The following TEX14 variants were observed in gnomAD, a reference collection of about 807,000 sequenced individuals.
TEX14 encodes testis expressed 14, intercellular bridge forming factor, also known as inactive serine/threonine-protein kinase TEX14.
Under a neutral mutation model 178.6 loss-of-function variants are expected in TEX14, and 168 were observed. The ratio of observed to expected loss-of-function variants is 0.94; its 90% CI spans 0.83 to 1.07. The LOEUF (loss-of-function observed/expected upper bound fraction) is 1.07. Ranked by LOEUF, TEX14 falls within the 50% of genes least tolerant of loss-of-function variation. The pLI, the probability that TEX14 is intolerant of heterozygous loss-of-function variation, is 0.00. For synonymous variants in TEX14, 626 were observed against 634.1 expected (o/e 0.99, Z 0.19); for missense variants, 1,730 against 1,753.6 (o/e 0.99, Z 0.24).
At chr17:58,678,879 C>T (rs2047440274) in intron 1 of TEX14, among the ~76,000 whole-genome samples, 2 of 148,402 alleles carry the variant, frequency 1.3e-5, no homozygotes, top group East Asian at 2.0e-4. Context: ...TGGAGCCAGG[C>T]GCCGTGGCTC....
intron 4 of TEX14, among the ~76,000 whole-genome samples, chr17:58,622,525 A>AAT (rs1760805636): frequency 6.6e-6 from 1 of 152,190 alleles, no homozygotes; most frequent in Non-Finnish European, 1.5e-5. Context: ...TAAGGACATT[A>AAT]ATAGTACTTA....
chr17:58,584,811 G>A (rs867420800), intron 18 of TEX14, among the ~76,000 whole-genome samples: 2 of 152,192 alleles, frequency 1.3e-5, no homozygotes, highest in Non-Finnish European at 2.9e-5. Flanking sequence ...CCATTCGAGA[G>A]TGATGCTTGA....
intron 1 of TEX14, among the ~76,000 whole-genome samples, chr17:58,666,350 A>G (rs985610628): frequency 6.6e-6 from 1 of 151,878 alleles, no homozygotes; most frequent in African/African-American, 2.4e-5. Context: ...TGTGTCCCAA[A>G]AAAATAAATA....
intron 26 of TEX14, chr17:58,568,054 C>T (rs2144350457): frequency 6.6e-6 from 1 of 152,342 alleles, no homozygotes. Flanking sequence ...GTGGGGTGAC[C>T]TCCACTCTCA....
chr17:58,631,893 GGTGA>G (rs1261867709), intron 2 of TEX14: 21 of 152,292 alleles, frequency 1.4e-4, no homozygotes, highest in Non-Finnish European at 2.2e-4. Context: ...TTATGCTGAT[GGTGA>G]GTATTTCGTG....
At chr17:58,594,738 C>A (rs117259992) in intron 14 of TEX14, among the ~76,000 whole-genome samples, 1,988 of 152,138 alleles carry the variant, frequency 0.013, 23 homozygotes, top group Non-Finnish European at 0.022. Context: ...ACTGGGGATG[C>A]TATGAAAATA....
intron 9 of TEX14, among the ~76,000 whole-genome samples, chr17:58,612,898 C>T (rs2045781330): frequency 6.6e-6 from 1 of 151,288 alleles, no homozygotes; most frequent in African/African-American, 2.4e-5. Flanking sequence ...GAGCAAGACC[C>T]TGTCTCAAAA....
intron 26 of TEX14, 51 bp from the exon 27 acceptor site, chr17:58,565,875 T>C (rs1237423978): frequency 6.9e-7 from 1 of 1,441,556 alleles, no homozygotes; most frequent in Admixed American, 1.9e-5. Flanking sequence ...TTGCGTGTCC[T>C]GCCGTTCTCT....
At chr17:58,621,881 G>GC in intron 4 of TEX14, 95 bp from the exon 5 acceptor site, 2 of 1,375,364 alleles carry the variant, frequency 1.5e-6, no homozygotes, top group Non-Finnish European at 9.7e-7. Flanking sequence ...GGAGCTGAGA[G>GC]CCCCCAACAG....
chr17:58,631,124 A>C, intron 2 of TEX14: 1 of 981,086 alleles, frequency 1.0e-6, no homozygotes, highest in Non-Finnish European at 1.2e-6. Flanking sequence ...AAAAAAATTT[A>C]GTCCTCCAGA....
chr17:58,593,710 CT>C (rs762118015), intron 14 of TEX14, 49 bp from the exon 15 acceptor site: 4 of 1,401,706 alleles, frequency 2.9e-6, no homozygotes, highest in Non-Finnish European at 4.1e-6. Flanking sequence ...AGAATTCCCA[CT>C]CTCTTCACTG....
Position 58,634,554 on chromosome 17 carries a change from C to G in TEX14, c.137-4000G>C, listed in dbSNP as rs1268239295. Among the ~76,000 whole-genome samples, 3 of 152,222 alleles carry G rather than the reference C, an allele frequency of 2.0e-5. No homozygotes were observed. The East Asian group carries it at 5.8e-4, about 29-fold the overall frequency. On this transcript the variant is annotated intron_variant, in intron 2 of 31. Coordinates refer to ENST00000349033, the MANE Select transcript of TEX14 (RefSeq NM_031272.5). Reference sequence around the variant, plus strand: ...GTCTATGTCCTCTACCAGACTGTCTCTCCTACACTAGAAGGTAGGAACTGC... The same window carrying G: ...GTCTATGTCCTCTACCAGACTGTCTGTCCTACACTAGAAGGTAGGAACTGC...
intron 1 of TEX14, among the ~76,000 whole-genome samples, chr17:58,654,374 T>C (rs2046904270): frequency 4.6e-5 from 7 of 151,888 alleles, no homozygotes; most frequent in Admixed American, 3.9e-4. Context: ...GAGAAAGCTT[T>C]CCAGACCCTA....
intron 2 of TEX14, among the ~76,000 whole-genome samples, chr17:58,650,059 T>C (rs924851451): frequency 5.4e-5 from 8 of 147,264 alleles, no homozygotes; most frequent in African/African-American, 2.0e-4. Flanking sequence ...ATTTTTGTTT[T>C]TGTTTTTGTT....
At chr17:58,646,131 T>C (rs1345147141) in intron 2 of TEX14, among the ~76,000 whole-genome samples, 1 of 152,190 alleles carries the variant, frequency 6.6e-6, no homozygotes, top group Non-Finnish European at 1.5e-5. Flanking sequence ...TCAACTGTAT[T>C]GAAATAACTA....
intron 1 of TEX14, among the ~76,000 whole-genome samples, chr17:58,689,774 C>A (rs1277972790): frequency 1.3e-5 from 2 of 151,678 alleles, no homozygotes; most frequent in Non-Finnish European, 2.9e-5. Flanking sequence ...GAAAGCATGA[C>A]TACAGAGCAA....
At chr17:58,559,952 G>C (rs1018536325) in intron 29 of TEX14, among the ~76,000 whole-genome samples, 1 of 152,124 alleles carries the variant, frequency 6.6e-6, no homozygotes, top group South Asian at 2.1e-4. Flanking sequence ...TTTGATTGGT[G>C]TCCCTTTCAA....
intron 3 of TEX14, among the ~76,000 whole-genome samples, chr17:58,625,664 GTTTAT>G (rs113241540): frequency 0.15 from 22,125 of 151,990 alleles, 2,461 homozygotes; most frequent in East Asian, 0.31. Context: ...CAACTCAGAA[GTTTAT>G]TTTATTTGGT....
chr17:58,649,510 A>G (rs1010739439), intron 2 of TEX14, among the ~76,000 whole-genome samples: 1 of 152,194 alleles, frequency 6.6e-6, no homozygotes, highest in Non-Finnish European at 1.5e-5. Context: ...CCAGACACAG[A>G]TGAAGTCCTG....
Sources: gnomAD v4.1 joint callset for allele counts (sites outside exome capture counted in the v4.1 genomes callset) on GRCh38, gnomAD v4.1.1 for gene constraint, MANE v1.5 for transcripts, NCBI Gene and HGNC (gene_info 2026-07-23, HGNC 2026-07-21) for gene names.